Variants in LPP observed in about 807,000 individuals in gnomAD.
LPP encodes the protein LIM domain containing preferred translocation partner in lipoma.
LPP carries 38 observed loss-of-function variants against 60.4 expected under a neutral mutation model. The observed-to-expected ratio is 0.63, with a 90% CI of 0.49 to 0.83. LPP has a LOEUF of 0.83. LPP is among the 40% of genes least tolerant of loss of function. The pLI is 0.00. For synonymous variants in LPP, 328 were observed against 290.8 expected, an observed-to-expected ratio of 1.13 and a Z score of -1.30; for missense variants, 902 against 783.6, an observed-to-expected ratio of 1.15 and a Z score of -1.80.
chr3:188,635,769 C>A (rs1848614951), intron 7 of LPP, among the ~76,000 whole-genome samples: 1 of 152,050 alleles, frequency 6.6e-6, no homozygotes, highest in South Asian at 2.1e-4. Flanking sequence ...TAGCACTTCC[C>A]CAGTGGCACA....
intron 4 of LPP, among the ~76,000 whole-genome samples, chr3:188,408,575 T>C (rs1213301988): frequency 6.6e-6 from 1 of 152,176 alleles, no homozygotes; most frequent in African/African-American, 2.4e-5. Context: ...GCAGCCTAGG[T>C]CAGAATTAAT....
intron 6 of LPP, among the ~76,000 whole-genome samples, chr3:188,559,467 G>T (rs1312739601): frequency 6.6e-6 from 1 of 152,040 alleles, no homozygotes; most frequent in Non-Finnish European, 1.5e-5. Context: ...TGATTTTTAT[G>T]AGTTAAAGAT....
chr3:188,434,236 C>T (rs1030655942), intron 4 of LPP, among the ~76,000 whole-genome samples: 5 of 151,748 alleles, frequency 3.3e-5, no homozygotes, highest in East Asian at 1.9e-4. Context: ...TTGACAAGAG[C>T]GTATATATGT....
At chr3:188,813,266 A>G (rs1751576851) in intron 9 of LPP, among the ~76,000 whole-genome samples, 2 of 152,218 alleles carry the variant, frequency 1.3e-5, no homozygotes, top group African/African-American at 4.8e-5. Context: ...TCATTGCAAT[A>G]AAAACCATTT....
intron 6 of LPP, chr3:188,569,048 ATTGCAATTG>A (rs1832887260): frequency 6.6e-6 from 1 of 151,940 alleles, no homozygotes; most frequent in African/African-American, 2.4e-5. Context: ...GGCAGAAGAA[ATTGCAATTG>A]TGAAAGGAAG....
At chr3:188,564,393 T>A (rs1831585341) in intron 6 of LPP, among the ~76,000 whole-genome samples, 1 of 152,010 alleles carries the variant, frequency 6.6e-6, no homozygotes, top group Non-Finnish European at 1.5e-5. Context: ...TCACAGATAA[T>A]GTGTTGTTGT....
intron 1 of LPP, among the ~76,000 whole-genome samples, chr3:188,211,226 A>G (rs2149204207): frequency 6.6e-6 from 1 of 152,264 alleles, no homozygotes; most frequent in African/African-American, 2.4e-5. Flanking sequence ...TAAAATCTTA[A>G]CGACTGACTG....
chr3:188,206,759 G>A (rs1733344556), intron 1 of LPP, among the ~76,000 whole-genome samples: 1 of 152,182 alleles, frequency 6.6e-6, no homozygotes, highest in Non-Finnish European at 1.5e-5. Flanking sequence ...GAAGCAGTTA[G>A]TTTTGGACTG....
At chr3:188,470,494 G>T (rs1264727052) in intron 4 of LPP, among the ~76,000 whole-genome samples, 1 of 152,096 alleles carries the variant, frequency 6.6e-6, no homozygotes, top group Non-Finnish European at 1.5e-5. Flanking sequence ...ACTCTGTGAG[G>T]CATTGGAAGA....
intron 8 of LPP, among the ~76,000 whole-genome samples, chr3:188,729,164 C>A (rs1472258662): frequency 6.6e-6 from 1 of 152,090 alleles, no homozygotes; most frequent in Non-Finnish European, 1.5e-5. Context: ...ACAGCATGTA[C>A]AAAGGTATAG....
At chr3:188,606,543 C>A (rs1842411857) in intron 6 of LPP, among the ~76,000 whole-genome samples, 1 of 152,028 alleles carries the variant, frequency 6.6e-6, no homozygotes, top group Admixed American at 6.6e-5. Flanking sequence ...GTAATTTAAG[C>A]AGCCTGGATA....
At chr3:188,489,946 T>G (rs1807820019) in intron 5 of LPP, among the ~76,000 whole-genome samples, 1 of 152,220 alleles carries the variant, frequency 6.6e-6, no homozygotes, top group Non-Finnish European at 1.5e-5. Context: ...ATCTTTCCTT[T>G]TCTGTTTGGT....
intron 2 of LPP, among the ~76,000 whole-genome samples, chr3:188,329,682 G>T (rs555109043): frequency 6.6e-6 from 1 of 151,918 alleles, no homozygotes; most frequent in African/African-American, 2.4e-5. Context: ...CCTACTCTCC[G>T]CTCACCACTA....
At chr3:188,813,606 C>T (rs1219795099) in intron 9 of LPP, among the ~76,000 whole-genome samples, 4 of 152,114 alleles carry the variant, frequency 2.6e-5, no homozygotes, top group Non-Finnish European at 5.9e-5. Context: ...CTTGTAGTTG[C>T]ATTACTCAGT....
chr3:188,860,502 C>T (rs1037803723), intron 9 of LPP, among the ~76,000 whole-genome samples: 2 of 152,040 alleles, frequency 1.3e-5, no homozygotes, highest in South Asian at 4.2e-4. Flanking sequence ...CTGAGGCAAC[C>T]GCTCAGGAAC....
chr3:188,609,471 G>A lies in LPP; in HGVS notation c.740G>A (p.Gly247Glu), dbSNP rs368151126. The change falls in exon 7 of 12, where the codon GGG (glycine) becomes GAG (glutamate). Residue 247 changes from glycine to glutamate, a missense_variant. Physicochemically the swap from Gly to Glu is moderately conservative, Grantham distance 98. Coordinates refer to ENST00000617246, the MANE Select transcript of LPP (RefSeq NM_001375462.1). The surrounding 1 kb of genome is among the most constrained non-coding windows in gnomAD (Gnocchi z 6.9). The part of the protein sequence containing the change: ...APSSGQIYGS[G>E]PQGYNTQPVP... ...TCATCAGGACAAATTTATGGCTCAG[G>A]GCCCCAGGGCTATAACACTCAGCCA... The A allele has an allele frequency of 3.8e-5, 62 of 1,614,018 alleles. No individual in the cohort carries two copies. Among genetic ancestry groups the A allele is most frequent in the Middle Eastern group, 1.6e-4 (1 of 6,082 alleles).
At chr3:188,653,131 T>C (rs1209533129) in intron 7 of LPP, among the ~76,000 whole-genome samples, 1 of 152,210 alleles carries the variant, frequency 6.6e-6, no homozygotes, top group African/African-American at 2.4e-5. Flanking sequence ...TTATAAAGCA[T>C]AGAGGTTGAG....
At chr3:188,240,494 A>G (rs1723955138) in intron 2 of LPP, among the ~76,000 whole-genome samples, 1 of 152,100 alleles carries the variant, frequency 6.6e-6, no homozygotes, top group Admixed American at 6.6e-5. Flanking sequence ...GAAGTCTTAT[A>G]CGTACTGAAT....
chr3:188,845,416 G>A (rs1365357581), intron 9 of LPP, among the ~76,000 whole-genome samples: 1 of 152,178 alleles, frequency 6.6e-6, no homozygotes, highest in Non-Finnish European at 1.5e-5. Flanking sequence ...AAAGTTCAGT[G>A]GGCTTGAGGG....
Sources: gnomAD v4.1 joint callset for allele counts (sites outside exome capture counted in the v4.1 genomes callset) on GRCh38, gnomAD v4.1.1 for gene constraint, Gnocchi (gnomAD v3.1) non-coding constraint, MANE v1.5 for transcripts, NCBI Gene and HGNC (gene_info 2026-07-23, HGNC 2026-07-21) for gene names.